The following NUSAP1 variants were observed in gnomAD, a reference collection of about 807,000 sequenced individuals.
The protein encoded by NUSAP1 is nucleolar and spindle associated protein 1.
A neutral mutation model predicts 52.8 loss-of-function variants in NUSAP1; 32 were observed. The observed-to-expected ratio is 0.61, with a 90% confidence interval of 0.46 to 0.81. The LOEUF (loss-of-function observed/expected upper bound fraction) is 0.81, where lower values mean the gene tolerates loss of function less well. Ranked by LOEUF, NUSAP1 falls within the 40% of genes least tolerant of loss-of-function variation. The probability of loss-of-function intolerance (pLI) is 0.00; values close to 1 mark genes in which losing one functional copy is unlikely to be tolerated. For missense variants in NUSAP1, 499 were observed against 522.3 expected (o/e 0.96, Z 0.43); for synonymous variants, 195 against 183.1 (o/e 1.06, Z -0.52).
At position 41,348,800 on chromosome 15, in the gene NUSAP1, G is replaced by A. The variant is rs981517929; in HGVS notation, c.163-298G>A. On this transcript the variant is annotated intron_variant, in intron 2 of 10. Coordinates refer to ENST00000559596, the MANE Select transcript of NUSAP1 (RefSeq NM_016359.5). Reference sequence around the variant, plus strand: ...ATTACAGGCATGCACCACCATGCCCGGGTAATTTTCTATTTTTAGTAGAGA... The same window carrying A: ...ATTACAGGCATGCACCACCATGCCCAGGTAATTTTCTATTTTTAGTAGAGA... Among the ~76,000 whole-genome samples, 4 of 151,836 alleles carry A rather than the reference G, an allele frequency of 2.6e-5. No homozygotes were observed. The South Asian group carries it at 8.3e-4, about 32-fold the overall frequency.
intron 7 of NUSAP1, among the ~76,000 whole-genome samples, chr15:41,367,792 C>T (rs151203535): frequency 5.3e-4 from 80 of 152,248 alleles, no homozygotes; most frequent in Middle Eastern, 3.4e-3. Context: ...CTCCTGACTG[C>T]GGGCAGATCT....
chr15:41,338,784 C>T (rs995100394), intron 1 of NUSAP1, among the ~76,000 whole-genome samples: 1 of 150,512 alleles, frequency 6.6e-6, no homozygotes, highest in Non-Finnish European at 1.5e-5. Context: ...GGCAAAACCC[C>T]GTCTCTACTA....
intron 10 of NUSAP1, among the ~76,000 whole-genome samples, chr15:41,378,107 C>T (rs182102977): frequency 6.6e-6 from 1 of 152,286 alleles, no homozygotes; most frequent in African/African-American, 2.4e-5. Flanking sequence ...TGCATTGTTT[C>T]CAAGGCTCTG....
intron 1 of NUSAP1, among the ~76,000 whole-genome samples, chr15:41,339,920 T>A (rs926525634): frequency 6.6e-6 from 1 of 152,082 alleles, no homozygotes; most frequent in Non-Finnish European, 1.5e-5. Flanking sequence ...TAGCTCAGAC[T>A]ACAGGTGCCC....
chr15:41,371,574 A>G lies in NUSAP1; in HGVS notation c.896A>G (p.Lys299Arg). The G allele has an allele frequency of 2.1e-5, 34 of 1,611,586 alleles. No individual in the cohort carries two copies. The highest frequency in any genetic ancestry group is 2.9e-5 in the Non-Finnish European group (34 of 1,179,264). ...KDNEHKRSLT[K>R]TPARKSAHVT... is the part of the protein sequence containing the mutation. ...AATGAGCATAAGCGTTCACTGACCA[A>G]GACTCCAGCCAGAAAGTCTGCACAT... The change falls in exon 8 of 11, where the codon AAG becomes AGG. Residue 299 changes from lysine to arginine, a missense_variant. By Grantham distance (26) the Lys-to-Arg change is conservative (BLOSUM62 2). Transcript: ENST00000559596.
chr15:41,348,888 C>T (rs1418754783), intron 2 of NUSAP1, among the ~76,000 whole-genome samples: 2 of 151,350 alleles, frequency 1.3e-5, no homozygotes, highest in Non-Finnish European at 2.9e-5. Flanking sequence ...TCGCCTCGGT[C>T]TCCCAAAGTG....
chr15:41,345,162 G>A (rs1433593620), intron 2 of NUSAP1, among the ~76,000 whole-genome samples: 4 of 152,004 alleles, frequency 2.6e-5, no homozygotes, highest in African/African-American at 4.8e-5. Context: ...ACCATTCCTG[G>A]CTATTTTTTG....
At chr15:41,378,905 A>C (rs530366555) in intron 10 of NUSAP1, among the ~76,000 whole-genome samples, 3 of 150,236 alleles carry the variant, frequency 2.0e-5, no homozygotes, top group Non-Finnish European at 4.4e-5. Context: ...AAACCAAAAA[A>C]AAAAAAGAAA....
chr15:41,356,060 C>G lies in NUSAP1; in HGVS notation c.470C>G (p.Pro157Arg). The change falls in exon 5 of 11, where the codon CCT (proline) becomes CGT (arginine). Residue 157 changes from proline to arginine, a missense_variant. Physicochemically the swap from Pro to Arg is moderately radical, Grantham distance 103. Transcript: ENST00000559596. ...VSSGNRDSKV[P>R]SEGKKSLYTD... Reference sequence around the variant, plus strand: ...TTAGGTAACAGAGATTCAAAGGTACCTTCAGAAGGAAAGAAATCTCTCTAC... The same window carrying G: ...TTAGGTAACAGAGATTCAAAGGTACGTTCAGAAGGAAAGAAATCTCTCTAC... 6.2e-7 allele frequency: 1 copy of G among 1,604,768 alleles called. No individual in the cohort carries two copies.
At chr15:41,379,453 C>T (rs1175031547) in intron 10 of NUSAP1, among the ~76,000 whole-genome samples, 1 of 152,192 alleles carries the variant, frequency 6.6e-6, no homozygotes. Flanking sequence ...TGAGCCACTG[C>T]ATCTGGCCTA....
chr15:41,379,901 AC>A (rs2050141140), intron 10 of NUSAP1, among the ~76,000 whole-genome samples, 191 bp from the exon 11 acceptor site: 1 of 152,106 alleles, frequency 6.6e-6, no homozygotes, highest in African/African-American at 2.4e-5. Context: ...CCAGTTTCTA[AC>A]CCTTTAACAC....
chr15:41,349,259 A>C lies in NUSAP1; in HGVS notation c.306+18A>C. 1 of 1,598,672 alleles carries C rather than the reference A, an allele frequency of 6.3e-7. No individual in the cohort carries two copies. Among genetic ancestry groups the C allele is most frequent in the Non-Finnish European group, 8.5e-7 (1 of 1,172,690 alleles). On this transcript the variant is annotated intron_variant, in intron 3 of 10. Coordinates refer to ENST00000559596, the MANE Select transcript of NUSAP1 (RefSeq NM_016359.5). ...ACTCACAGGTGAATGGAAATATACA[A>C]ACTGAAAATAAACCACCTATGCCAA...
rs1234800855 is a variant in NUSAP1 at position 41,358,096 on chromosome 15, GATAA to G, written c.551-46_551-43del. The G allele has an allele frequency of 2.4e-5, 19 of 790,176 alleles. No homozygotes were observed. The Admixed American group carries it at 3.8e-4, about 16-fold the overall frequency. The allele number at this position is 790,176 out of a possible 1,614,324, so 48.9% of individuals were successfully genotyped here. A position where few individuals can be genotyped will look rare whatever the true frequency, so the allele number is the denominator to read the frequency against. On this transcript the variant is annotated intron_variant, in intron 5 of 10. Transcript: ENST00000559596. The stretch of plus-strand genomic sequence containing the variant: ...AGTGTTAACAGAAAAACACAGAGAA[GATAA>G]ATAAATGGATTTTGTTTTGTTATTA...
chr15:41,363,566 C>A (rs1053195227), intron 6 of NUSAP1, among the ~76,000 whole-genome samples: 2 of 151,778 alleles, frequency 1.3e-5, no homozygotes, highest in Non-Finnish European at 2.9e-5. Context: ...TAGAGACAGG[C>A]CTCCCTATGT....
chr15:41,359,669 T>C (rs975139480), intron 6 of NUSAP1, among the ~76,000 whole-genome samples: 1 of 151,892 alleles, frequency 6.6e-6, no homozygotes, highest in Admixed American at 6.6e-5. Flanking sequence ...TTCGCTCTTG[T>C]TGCCCAGACT....
intron 5 of NUSAP1, among the ~76,000 whole-genome samples, chr15:41,357,135 A>G (rs914384346): frequency 2.0e-5 from 3 of 151,758 alleles, no homozygotes; most frequent in African/African-American, 7.2e-5. Flanking sequence ...TGGGAGGCCC[A>G]GGGGGCTGGA....
intron 1 of NUSAP1, among the ~76,000 whole-genome samples, chr15:41,335,113 T>C (rs2048069655): frequency 6.6e-6 from 1 of 151,746 alleles, no homozygotes; most frequent in East Asian, 1.9e-4. Context: ...TCAATTGCCT[T>C]TTGAAATTTT....
chr15:41,344,793 T>A (rs1213445873), intron 2 of NUSAP1, among the ~76,000 whole-genome samples: 1 of 151,852 alleles, frequency 6.6e-6, no homozygotes, highest in Non-Finnish European at 1.5e-5. Flanking sequence ...ATACAAAAAT[T>A]AGCCGAGCAT....
chr15:41,368,884 C>G (rs766900583), intron 7 of NUSAP1, among the ~76,000 whole-genome samples: 11 of 151,678 alleles, frequency 7.3e-5, no homozygotes, highest in Non-Finnish European at 1.5e-4. Context: ...AGGTGTGTGC[C>G]ACTACATTCA....
Sources: gnomAD v4.1 joint callset for allele counts (sites outside exome capture counted in the v4.1 genomes callset) on GRCh38, gnomAD v4.1.1 for gene constraint, MANE v1.5 for transcripts, NCBI Gene and HGNC (gene_info 2026-07-23, HGNC 2026-07-21) for gene names.